Variants in GNB4 observed in about 807,000 individuals in gnomAD.
The protein encoded by GNB4 is G protein subunit beta 4.
Under a neutral mutation model 45.2 loss-of-function variants are expected in GNB4, and 28 were observed. The observed-to-expected ratio is 0.62, with a 90% CI of 0.46 to 0.85. GNB4 has a LOEUF of 0.85. GNB4 is among the 40% of genes least tolerant of loss of function. The pLI is 0.00. For synonymous variants in GNB4, 132 were observed against 143.7 expected (o/e 0.92, Z 0.58); for missense variants, 321 against 425.4 (o/e 0.75, Z 2.16).
At chr3:179,419,021 A>G (rs1714898205) in intron 4 of GNB4, among the ~76,000 whole-genome samples, 2 of 152,276 alleles carry the variant, frequency 1.3e-5, no homozygotes, top group African/African-American at 4.8e-5. Context: ...AATTTATGTA[A>G]TAACAAACTA....
chr3:179,514,493 G>A, the GNB4 span, among the ~76,000 whole-genome samples: 3 of 152,170 alleles, frequency 2.0e-5, no homozygotes, highest in African/African-American at 7.2e-5. Context: ...CAGAGTGTTA[G>A]GGGCTGAATT....
At chr3:179,492,238 A>G in the GNB4 span, among the ~76,000 whole-genome samples, 1 of 152,278 alleles carries the variant, frequency 6.6e-6, no homozygotes, top group East Asian at 1.9e-4. Context: ...AGGACCTCAC[A>G]GTCTTCACAG....
chr3:179,449,404 G>A (rs527976321), intron 1 of GNB4, among the ~76,000 whole-genome samples: 1 of 152,292 alleles, frequency 6.6e-6, no homozygotes, highest in African/African-American at 2.4e-5. Context: ...TGATCATGCT[G>A]GAAAAACAAA....
chr3:179,470,066 G>A, the GNB4 span, among the ~76,000 whole-genome samples: 3 of 152,210 alleles, frequency 2.0e-5, no homozygotes, highest in Non-Finnish European at 4.4e-5. Context: ...TTGTGGTGAT[G>A]CTGGTGTAAA....
rs75444002 is a variant in GNB4 at position 179,400,916 on chromosome 3, T to G, written c.*297A>C. Reference sequence around the variant, plus strand: ...AACACAATGGCGAGCTGCTATAATGTGTACATTCTGTTCTACACAAAGAAA... The same window carrying G: ...AACACAATGGCGAGCTGCTATAATGGGTACATTCTGTTCTACACAAAGAAA... On this transcript the variant is annotated 3_prime_UTR_variant, in exon 10 of 10. Coordinates refer to ENST00000232564, the MANE Select transcript of GNB4 (RefSeq NM_021629.4). The G allele has an allele frequency of 9.3e-4, 234 of 250,494 alleles. 3 individuals carry two copies. The East Asian group carries it at 0.015, about 17-fold the overall frequency. 15.5% of individuals were successfully genotyped at this position (250,494 alleles called of 1,614,324 possible). A position where few individuals can be genotyped will look rare whatever the true frequency, so the allele number is the denominator to read the frequency against.
chr3:179,510,756 T>C, the GNB4 span, among the ~76,000 whole-genome samples: 3 of 152,206 alleles, frequency 2.0e-5, no homozygotes, highest in Non-Finnish European at 4.4e-5. Flanking sequence ...TGCCTTGTTA[T>C]AGGCTGACAT....
the GNB4 span, among the ~76,000 whole-genome samples, chr3:179,465,842 A>AGATGGGG: frequency 5.3e-5 from 6 of 113,332 alleles, no homozygotes; most frequent in East Asian, 1.4e-3. Flanking sequence ...TTTTTTGTAG[A>AGATGGGG]GATGGGGGTC....
chr3:179,471,912 C>A, the GNB4 span, among the ~76,000 whole-genome samples: 1 of 152,144 alleles, frequency 6.6e-6, no homozygotes, highest in Non-Finnish European at 1.5e-5. Context: ...CATTAAAACT[C>A]TTTGACTTAG....
chr3:179,523,097 T>C, the GNB4 span, among the ~76,000 whole-genome samples: 3 of 152,194 alleles, frequency 2.0e-5, no homozygotes, highest in East Asian at 5.8e-4. Flanking sequence ...GGTATCCAAA[T>C]GTGGAAGTAC....
the GNB4 span, chr3:179,464,835 G>A: frequency 2.1e-4 from 278 of 1,329,954 alleles, no homozygotes; most frequent in African/African-American, 2.7e-3. Context: ...AATGCAGGGC[G>A]AATGTGTTTG....
At chr3:179,403,665 C>T (rs1714373383) in intron 9 of GNB4, among the ~76,000 whole-genome samples, 1 of 151,784 alleles carries the variant, frequency 6.6e-6, no homozygotes, top group African/African-American at 2.4e-5. Context: ...TGGTGGTGTG[C>T]ACTTGTAATC....
chr3:179,523,018 G>T, the GNB4 span, among the ~76,000 whole-genome samples: 3 of 152,038 alleles, frequency 2.0e-5, no homozygotes, highest in Admixed American at 1.3e-4. Context: ...AAAGGATTTA[G>T]GATCTATGGG....
chr3:179,458,599 C>G, the GNB4 span, among the ~76,000 whole-genome samples: 1 of 152,130 alleles, frequency 6.6e-6, no homozygotes, highest in Non-Finnish European at 1.5e-5. Context: ...TGCTCATGTA[C>G]CTGATATAAA....
chr3:179,513,142 A>T, the GNB4 span, among the ~76,000 whole-genome samples: 2 of 149,766 alleles, frequency 1.3e-5, no homozygotes, highest in African/African-American at 4.9e-5. Context: ...TATACTTAAA[A>T]TTTTTTCAAT....
At chr3:179,495,321 C>CA in the GNB4 span, among the ~76,000 whole-genome samples, 1 of 151,748 alleles carries the variant, frequency 6.6e-6, no homozygotes, top group Admixed American at 6.6e-5. Flanking sequence ...ACCAAAAATA[C>CA]AAAAAATTAG....
At chr3:179,473,134 G>T in the GNB4 span, among the ~76,000 whole-genome samples, 1 of 151,858 alleles carries the variant, frequency 6.6e-6, no homozygotes, top group South Asian at 2.1e-4. Context: ...CTGCACTCCA[G>T]CCTGGGCAAC....
intron 1 of GNB4, among the ~76,000 whole-genome samples, chr3:179,436,540 A>G (rs984948452): frequency 1.3e-5 from 2 of 152,046 alleles, no homozygotes; most frequent in Non-Finnish European, 2.9e-5. Flanking sequence ...TATTTCTTAC[A>G]CTCCATAATT....
chr3:179,509,434 T>G, the GNB4 span, among the ~76,000 whole-genome samples: 1 of 152,096 alleles, frequency 6.6e-6, no homozygotes, highest in Non-Finnish European at 1.5e-5. Context: ...GGAAGCCAAA[T>G]TATAAGCAGA....
At chr3:179,416,343 CACTA>C in intron 5 of GNB4, 146 bp downstream of exon 5, 1 of 565,404 alleles carries the variant, frequency 1.8e-6, no homozygotes, top group South Asian at 2.3e-5. Context: ...TAAAAGTAAA[CACTA>C]AGACAAAAGA....
Sources: allele counts gnomAD v4.1 joint callset (sites outside exome capture counted in the v4.1 genomes callset), GRCh38; gene constraint gnomAD v4.1.1; transcripts MANE v1.5; gene names NCBI Gene and HGNC (gene_info 2026-07-23, HGNC 2026-07-21).